NAT1: variants seen among roughly 807,000 people sequenced by gnomAD.
NAT1 encodes N-acetyltransferase 1.
For synonymous variants in NAT1, 144 were observed against 122.6 expected (o/e 1.17, Z -1.16); for missense variants, 400 against 339.2 (o/e 1.18, Z -1.41).
intron 2 of NAT1, among the ~76,000 whole-genome samples, chr8:18,171,575 G>A (rs1802098282): frequency 6.6e-6 from 1 of 152,048 alleles, no homozygotes; most frequent in Non-Finnish European, 1.5e-5. Context: ...AGGAATTGTT[G>A]AAAACCTCTT....
rs375703029 is a variant in NAT1 at position 18,174,370 on chromosome 8, A to T, written n.92+3631A>T. On this transcript the variant is annotated intron_variant and non_coding_transcript_variant, in intron 2 of 4. Transcript: ENST00000517441. ...ACATCATTATTTTAGCTTTCCACTC[A>T]TTCACTGATGTCCCTTCCAGAAGTC... 6.6e-5 allele frequency among the ~76,000 whole-genome samples: 10 copies of T among 152,182 alleles called. No individual in the cohort carries two copies. The East Asian group carries it at 1.4e-3, about 21-fold the overall frequency.
Position 18,222,397 on chromosome 8 carries a change from G to C in NAT1, c.350G>C (p.Arg117Thr), listed in dbSNP as rs55641436. The C allele has an allele frequency of 1.2e-6, 2 of 1,614,096 alleles. No individual in the cohort carries two copies. Among genetic ancestry groups the C allele is most frequent in the South Asian group, 2.2e-5 (2 of 91,076 alleles). The part of the protein sequence containing the change: ...HLLLQVTIDG[R>T]NYIVDAGFGR... ...CTCCTGCAGGTGACCATTGATGGCA[G>C]GAACTACATTGTCGATGCTGGGTTT... is the stretch of plus-strand genomic sequence containing the variant. Residue 117 changes from arginine (R) to threonine (T), a missense_variant, in exon 3 of 3, where the codon AGG (arginine) becomes ACG (threonine). Arg to Thr is a moderately conservative substitution (Grantham distance 71). Transcript: ENST00000307719.
In NAT1 at chr8:18,211,739, T is replaced by A. The variant is rs948179305; in HGVS notation, c.-86+1559T>A. 5.3e-5 allele frequency among the ~76,000 whole-genome samples: 8 copies of A among 152,064 alleles called. No individual in the cohort carries two copies. The South Asian group carries it at 1.7e-3, about 32-fold the overall frequency. On this transcript the variant is annotated intron_variant, in intron 1 of 2. Transcript: ENST00000307719. ...TGAGCTGGCTTAGGAGGGGGCTAGG[T>A]TGTAGTGTCAATTTAGTGGGATTCC...
At chr8:18,173,961 T>G (rs1043372380) in intron 2 of NAT1, among the ~76,000 whole-genome samples, 4 of 152,118 alleles carry the variant, frequency 2.6e-5, no homozygotes, top group Non-Finnish European at 5.9e-5. Flanking sequence ...TTAATCTAAC[T>G]GAGAATATCT....
At chr8:18,198,081 A>G (rs1803309109) in intron 2 of NAT1, among the ~76,000 whole-genome samples, 1 of 152,224 alleles carries the variant, frequency 6.6e-6, no homozygotes, top group Admixed American at 6.5e-5. Flanking sequence ...ACCATGCCTT[A>G]TAGAACTTCT....
upstream of NAT1, among the ~76,000 whole-genome samples, chr8:18,209,351 A>G (rs1392453744): frequency 6.6e-6 from 1 of 152,286 alleles, no homozygotes; most frequent in Non-Finnish European, 1.5e-5. Flanking sequence ...AAACAAAGAA[A>G]TGATAAATGT....
intron 2 of NAT1, among the ~76,000 whole-genome samples, chr8:18,203,732 T>A (rs556941449): frequency 3.4e-4 from 52 of 152,306 alleles, no homozygotes; most frequent in African/African-American, 1.2e-3. Context: ...TAGCCGTCCT[T>A]GTGATATAGG....
intron 2 of NAT1, among the ~76,000 whole-genome samples, chr8:18,196,824 A>G (rs1456694711): frequency 1.3e-5 from 2 of 152,240 alleles, no homozygotes; most frequent in Non-Finnish European, 2.9e-5. Context: ...AGAAAAATCA[A>G]TAATAATAAA....
rs774941441 is a variant in NAT1 at position 18,219,365 on chromosome 8, G to T, written c.-85-46G>T. 3.0e-4 allele frequency: 387 copies of T among 1,289,222 alleles called. 3 individuals are homozygous for T. Among genetic ancestry groups the T allele is most frequent in the Middle Eastern group, 5.8e-4 (3 of 5,198 alleles). 79.9% of individuals were successfully genotyped at this position (1,289,222 alleles called of 1,614,324 possible). ...TACAAAACTATTATTTTGTTTTCAAGGAAGTCATGTTATATATTTCTGACT... is the reference window on the plus strand; with the variant it reads ...TACAAAACTATTATTTTGTTTTCAATGAAGTCATGTTATATATTTCTGACT... On this transcript the variant is annotated intron_variant, in intron 1 of 2. Transcript: ENST00000307719.
At chr8:18,180,920 A>G (rs1458761290) in intron 2 of NAT1, among the ~76,000 whole-genome samples, 2 of 152,120 alleles carry the variant, frequency 1.3e-5, no homozygotes, top group Admixed American at 6.5e-5. Context: ...TTATAGTATA[A>G]TTTGAGACAG....
At chr8:18,184,018 A>G (rs1312360713) in intron 2 of NAT1, among the ~76,000 whole-genome samples, 2 of 151,860 alleles carry the variant, frequency 1.3e-5, no homozygotes, top group African/African-American at 4.8e-5. Context: ...TAGTGGCTCT[A>G]TGCTTTCAGG....
In NAT1 at chr8:18,174,889, G is replaced by C. The variant is rs141498172; in HGVS notation, n.92+4150G>C. The stretch of plus-strand genomic sequence containing the variant: ...TTATATAGCACTAAGAAGAGTGAGA[G>C]AAAACATACACAGTCCTCAAAGGGT... On this transcript the variant is annotated intron_variant and non_coding_transcript_variant, in intron 2 of 4. Transcript: ENST00000517441. 3.9e-5 allele frequency among the ~76,000 whole-genome samples: 6 copies of C among 152,120 alleles called. No homozygotes were observed. The East Asian group carries it at 9.7e-4, about 25-fold the overall frequency.
chr8:18,209,379 C>G (rs554592806), upstream of NAT1, among the ~76,000 whole-genome samples: 25 of 152,328 alleles, frequency 1.6e-4, no homozygotes, highest in Non-Finnish European at 1.8e-4. Context: ...GATAGATGTG[C>G]TAATTATCAT....
intron 2 of NAT1, among the ~76,000 whole-genome samples, chr8:18,185,286 C>T (rs1331047224): frequency 6.6e-6 from 1 of 152,030 alleles, no homozygotes; most frequent in Non-Finnish European, 1.5e-5. Flanking sequence ...GCCGGATGTT[C>T]TGTTTGTGTG....
chr8:18,213,875 A>G (rs1288436577), intron 1 of NAT1, among the ~76,000 whole-genome samples: 4 of 147,712 alleles, frequency 2.7e-5, no homozygotes, highest in South Asian at 4.2e-4. Flanking sequence ...GTGCGGTGGC[A>G]CTATCTCGGC....
intron 2 of NAT1, among the ~76,000 whole-genome samples, chr8:18,221,311 TG>T (rs1449743407): frequency 2.1e-5 from 3 of 139,692 alleles, no homozygotes; most frequent in African/African-American, 3.0e-5. Flanking sequence ...TTTTTTGGTG[TG>T]TTTTTTTTTT....
chr8:18,214,932 T>G (rs980309494), intron 1 of NAT1, among the ~76,000 whole-genome samples: 2 of 152,256 alleles, frequency 1.3e-5, no homozygotes, highest in African/African-American at 4.8e-5. Context: ...AGTAGGAACA[T>G]GCATTATTTC....
chr8:18,202,631 C>G (rs141016288), intron 2 of NAT1, among the ~76,000 whole-genome samples: 1 of 151,946 alleles, frequency 6.6e-6, no homozygotes, highest in African/African-American at 2.4e-5. Flanking sequence ...TCGCAGTGAG[C>G]GTTACAGCTA....
At chr8:18,184,703 G>T (rs1449468746) in intron 2 of NAT1, among the ~76,000 whole-genome samples, 1 of 152,180 alleles carries the variant, frequency 6.6e-6, no homozygotes, top group Non-Finnish European at 1.5e-5. Flanking sequence ...CTAACAAGAG[G>T]TGTTTAGGTC....
Sources: allele counts gnomAD v4.1 joint callset (sites outside exome capture counted in the v4.1 genomes callset), GRCh38; gene constraint gnomAD v4.1.1; transcripts MANE v1.5; gene names NCBI Gene and HGNC (gene_info 2026-07-23, HGNC 2026-07-21).